Variants in DDI2 observed in about 807,000 individuals in gnomAD.
The protein encoded by DDI2 is protein DDI1 homolog 2.
A neutral mutation model predicts 48.1 loss-of-function variants in DDI2; 5 were observed. The ratio of observed to expected loss-of-function variants is 0.10; its 90% CI spans 0.05 to 0.22. DDI2 has a LOEUF of 0.22. Ranked by LOEUF, DDI2 falls within the 10% of genes least tolerant of loss-of-function variation. The probability of loss-of-function intolerance (pLI) is 1.00; values close to 1 mark genes in which losing one functional copy is unlikely to be tolerated. For synonymous variants in DDI2, 205 were observed against 183.6 expected (o/e 1.12, Z -0.94); for missense variants, 285 against 506.2 (o/e 0.56, Z 4.19).
At position 15,668,953 on chromosome 1, in the gene DDI2, T is replaced by C. The variant is rs902780970; in HGVS notation, c.*9163T>C. ...GCCCTAAATAATCAAAACACTTTAT[T>C]TTATTTTTCTTTTTTTAAATAGGAA... On this transcript the variant is annotated 3_prime_UTR_variant, in exon 10 of 10. Coordinates refer to ENST00000480945, the MANE Select transcript of DDI2 (RefSeq NM_032341.5). The C allele has an allele frequency of 6.6e-6, 1 of 152,242 alleles. No individual in the cohort carries two copies. The highest frequency in any genetic ancestry group is 1.5e-5 in the Non-Finnish European group (1 of 68,036). The allele number at this position is 152,242 out of a possible 1,614,324, so 9.4% of individuals were successfully genotyped here.
chr1:15,646,667 A>T (rs1162676428), intron 6 of DDI2, among the ~76,000 whole-genome samples: 1 of 152,198 alleles, frequency 6.6e-6, no homozygotes, highest in East Asian at 1.9e-4. Context: ...AGCCTGGGCA[A>T]TAAGAGTGAA....
At chr1:15,635,891 A>G (rs1045206373) in intron 4 of DDI2, among the ~76,000 whole-genome samples, 1 of 152,240 alleles carries the variant, frequency 6.6e-6, no homozygotes, top group Non-Finnish European at 1.5e-5. Flanking sequence ...ATAATGTGCA[A>G]TAGCATAAAA....
intron 5 of DDI2, among the ~76,000 whole-genome samples, chr1:15,642,760 C>T (rs1640030170): frequency 6.6e-6 from 1 of 152,118 alleles, no homozygotes; most frequent in African/African-American, 2.4e-5. Flanking sequence ...CCCATCTCTA[C>T]TAAAAATACA....
At chr1:15,632,893 T>TA (rs1172750100) in intron 3 of DDI2, among the ~76,000 whole-genome samples, 2 of 140,340 alleles carry the variant, frequency 1.4e-5, no homozygotes, top group East Asian at 2.1e-4. Flanking sequence ...TAACTTCTTA[T>TA]AAAAAATTTT....
At chr1:15,654,937 C>CTTTT (rs60979134) in intron 8 of DDI2, among the ~76,000 whole-genome samples, 1 of 140,672 alleles carries the variant, frequency 7.1e-6, no homozygotes, top group Admixed American at 7.1e-5. Context: ...TATGAAATGT[C>CTTTT]TTTTTTTTTT....
chr1:15,633,663 TTC>T, intron 4 of DDI2, 98 bp downstream of exon 4: 6 of 1,561,168 alleles, frequency 3.8e-6, no homozygotes, highest in Non-Finnish European at 5.2e-6. Flanking sequence ...TGGAGGTAGC[TTC>T]TCTGTTTTGC....
intron 8 of DDI2, among the ~76,000 whole-genome samples, chr1:15,653,825 G>T (rs1165301223): frequency 6.6e-6 from 1 of 152,180 alleles, no homozygotes; most frequent in Non-Finnish European, 1.5e-5. Flanking sequence ...TGAAAATGCA[G>T]TGTTATGGTG....
chr1:15,661,354 CT>C lies in DDI2; in HGVS notation c.*1568del. On this transcript the variant is annotated 3_prime_UTR_variant, in exon 10 of 10. Transcript: ENST00000480945. ...CTTAGGTGTAGAAATTTCACCCAAA[CT>C]TTTAGCAGGTGAGGAGGATGCACTC... 1 of 1,614,056 alleles carries C rather than the reference CT, an allele frequency of 6.2e-7. No individual in the cohort carries two copies. The highest frequency in any genetic ancestry group is 8.5e-7 in the Non-Finnish European group (1 of 1,179,984).
At chr1:15,659,780 T>G (rs1224053872) in intron 9 of DDI2, 57 bp from the exon 10 acceptor site, 1 of 1,464,138 alleles carries the variant, frequency 6.8e-7, no homozygotes, top group East Asian at 2.3e-5. Flanking sequence ...TCTGGTAATT[T>G]AGTGGCATTA....
chr1:15,656,773 A>T (rs1345747269), intron 9 of DDI2, 94 bp downstream of exon 9: 3 of 1,563,380 alleles, frequency 1.9e-6, no homozygotes, highest in African/African-American at 2.7e-5. Flanking sequence ...AGCATTTGTC[A>T]TTCACCATTT....
rs778285431 is a variant in DDI2, at chr1:15,630,740, T to C, written c.505+179T>C. ...AGGCTGAGTTACTTGGAAACAGCAA[T>C]AGAGTTTTAGCAGTGAAATCCATCT... On this transcript the variant is annotated intron_variant, in intron 3 of 9. Coordinates refer to ENST00000480945, the MANE Select transcript of DDI2 (RefSeq NM_032341.5). Among the ~76,000 whole-genome samples, 4 of 152,240 alleles carry C rather than the reference T, an allele frequency of 2.6e-5. No homozygotes were observed. In the East Asian group the frequency reaches 7.7e-4, roughly 29 times the overall value.
chr1:15,656,320 T>C, intron 8 of DDI2: 1 of 998,192 alleles, frequency 1.0e-6, no homozygotes, highest in Non-Finnish European at 1.3e-6. Context: ...CAGGTGGATC[T>C]ACTTTCTTCA....
intron 9 of DDI2, among the ~76,000 whole-genome samples, chr1:15,658,754 T>TAAA (rs3070655): frequency 5.7e-4 from 83 of 145,634 alleles, no homozygotes; most frequent in African/African-American, 1.2e-3. Flanking sequence ...AACACAGTCT[T>TAAA]AAAAAAAAAA....
intron 2 of DDI2, among the ~76,000 whole-genome samples, 179 bp from the exon 3 acceptor site, chr1:15,630,146 G>C (rs1031245947): frequency 6.6e-6 from 1 of 151,976 alleles, no homozygotes; most frequent in African/African-American, 2.4e-5. Flanking sequence ...TTCTTCTATC[G>C]ATTCACTCTC....
At chr1:15,631,618 A>G (rs1479398434) in intron 3 of DDI2, among the ~76,000 whole-genome samples, 1 of 152,144 alleles carries the variant, frequency 6.6e-6, no homozygotes, top group Non-Finnish European at 1.5e-5. Context: ...GAGTTTTGAC[A>G]AACTCCTGTA....
At chr1:15,624,455 G>T (rs537330831) in intron 1 of DDI2, among the ~76,000 whole-genome samples, 6 of 152,080 alleles carry the variant, frequency 3.9e-5, no homozygotes, top group Admixed American at 2.0e-4. Flanking sequence ...TTGAAATGTG[G>T]TTCTTTTTTT....
rs1640410986 is a variant in DDI2 at position 15,663,597 on chromosome 1, A to G, written c.*3807A>G. The G allele has an allele frequency of 6.6e-6, 1 of 152,218 alleles. No homozygotes were observed. Among genetic ancestry groups the G allele is most frequent in the African/African-American group, 2.4e-5 (1 of 41,450 alleles). The allele number at this position is 152,218 out of a possible 1,614,324, so 9.4% of individuals were successfully genotyped here. ...CATTGTAGACCCTTTCACCTGCCCT[A>G]CACCAAAGATGTACGATGCACTAGG... On this transcript the variant is annotated 3_prime_UTR_variant, in exon 10 of 10. Coordinates refer to ENST00000480945, the MANE Select transcript of DDI2 (RefSeq NM_032341.5).
At chr1:15,656,427 G>A (rs1232925418) in intron 8 of DDI2, 190 bp from the exon 9 acceptor site, 1 of 1,445,718 alleles carries the variant, frequency 6.9e-7, no homozygotes, top group African/African-American at 1.4e-5. Context: ...ACAGATTGCT[G>A]TGTGTATTGT....
At chr1:15,638,528 T>TA in intron 5 of DDI2, 94 bp downstream of exon 5, 435 of 1,083,420 alleles carry the variant, frequency 4.0e-4, no homozygotes, top group Non-Finnish European at 5.1e-4. Flanking sequence ...CAGATGGCTG[T>TA]ACTTTTTTTT....
Sources: allele counts gnomAD v4.1 joint callset (sites outside exome capture counted in the v4.1 genomes callset), GRCh38; gene constraint gnomAD v4.1.1; transcripts MANE v1.5; gene names NCBI Gene and HGNC (gene_info 2026-07-23, HGNC 2026-07-21).